STXBP6: variants seen among roughly 807,000 people sequenced by gnomAD.
STXBP6 encodes the protein syntaxin-binding protein 6.
Under a neutral mutation model 26.9 loss-of-function variants are expected in STXBP6, and 21 were observed. The observed-to-expected ratio is 0.78, with a 90% CI of 0.55 to 1.12. The LOEUF is 1.12. Ranked by LOEUF, STXBP6 falls within the 50% of genes most tolerant of loss-of-function variation. The probability of loss-of-function intolerance (pLI) is 0.00; values close to 1 mark genes in which losing one functional copy is unlikely to be tolerated. For synonymous variants in STXBP6, 97 were observed against 92.6 expected, an observed-to-expected ratio of 1.05 and a Z score of -0.27; for missense variants, 232 against 257.9, an observed-to-expected ratio of 0.90 and a Z score of 0.69.
intron 1 of STXBP6, among the ~76,000 whole-genome samples, chr14:24,976,945 C>T (rs928300110): frequency 1.4e-4 from 20 of 144,486 alleles, no homozygotes; most frequent in African/African-American, 5.2e-4. Context: ...TCACTGCAAC[C>T]TCCACTTCTC....
intron 1 of STXBP6, among the ~76,000 whole-genome samples, chr14:24,976,985 C>T (rs748441530): frequency 8.0e-5 from 12 of 150,878 alleles, no homozygotes; most frequent in African/African-American, 1.5e-4. Context: ...GCCTCAGCCT[C>T]CCCAGTAGCT....
chr14:24,842,707 T>G lies in STXBP6; in HGVS notation c.451+13229A>C, dbSNP rs933029931. On this transcript the variant is annotated intron_variant, in intron 4 of 5. Coordinates refer to ENST00000323944, the MANE Select transcript of STXBP6 (RefSeq NM_001394410.1). ...AACAAAGGAAAAGATGATTATGCCT[T>G]ACTGACAGACTTTCTTATTTACTCA... 5.3e-5 allele frequency among the ~76,000 whole-genome samples: 8 copies of G among 152,296 alleles called. 2 individuals are homozygous for G. Among genetic ancestry groups the G allele is most frequent in the Admixed American group, 3.9e-4 (6 of 15,304 alleles).
At chr14:24,862,486 G>A (rs1286080160) in intron 2 of STXBP6, among the ~76,000 whole-genome samples, 1 of 152,108 alleles carries the variant, frequency 6.6e-6, no homozygotes, top group Non-Finnish European at 1.5e-5. Flanking sequence ...AGTGCATAGG[G>A]CTTTGGGAAG....
intron 1 of STXBP6, among the ~76,000 whole-genome samples, chr14:24,988,708 G>A (rs376435177): frequency 6.6e-5 from 10 of 152,148 alleles, no homozygotes; most frequent in African/African-American, 2.2e-4. Flanking sequence ...TGCTTCAGCC[G>A]ACGGAGACAG....
At chr14:24,910,941 T>C (rs1449307056) in intron 2 of STXBP6, among the ~76,000 whole-genome samples, 1 of 152,150 alleles carries the variant, frequency 6.6e-6, no homozygotes, top group African/African-American at 2.4e-5. Flanking sequence ...GTTTTAGCTG[T>C]TATCTGTAAC....
At chr14:24,819,406 A>G in intron 4 of STXBP6, 1 of 614,622 alleles carries the variant, frequency 1.6e-6, no homozygotes, top group Non-Finnish European at 2.9e-6. Flanking sequence ...GACCTAGGAA[A>G]ATCCTAAATG....
At chr14:24,977,812 T>G (rs1324307189) in intron 1 of STXBP6, among the ~76,000 whole-genome samples, 1 of 152,190 alleles carries the variant, frequency 6.6e-6, no homozygotes, top group Non-Finnish European at 1.5e-5. Flanking sequence ...CCAACTTTAT[T>G]TACAAATCCT....
At chr14:24,918,100 AG>A (rs1467448315) in intron 2 of STXBP6, among the ~76,000 whole-genome samples, 1 of 152,072 alleles carries the variant, frequency 6.6e-6, no homozygotes, top group East Asian at 1.9e-4. Flanking sequence ...ATGGTTGCCA[AG>A]GGCTGGGGGA....
chr14:24,866,433 A>G (rs774043780), intron 2 of STXBP6, among the ~76,000 whole-genome samples: 5 of 152,076 alleles, frequency 3.3e-5, no homozygotes, highest in Non-Finnish European at 7.4e-5. Context: ...GTATATGTGT[A>G]TATGCGTGTG....
Position 25,049,668 on chromosome 14 carries a change from C to A in STXBP6, c.-33+210G>T, listed in dbSNP as rs577313917. ...AGGGACACGAGTCCCTCTCTGCGCG[C>A]ACAAAGCAGCTGCGCCGGGGCGCGC... On this transcript the variant is annotated intron_variant, in intron 1 of 5. Coordinates refer to ENST00000323944, the MANE Select transcript of STXBP6 (RefSeq NM_001394410.1). The surrounding 1 kb of genome is among the most constrained non-coding windows in gnomAD (Gnocchi z 5.6). 1.0e-6 allele frequency: 1 copy of A among 985,780 alleles called. No homozygotes were observed. The highest frequency in any genetic ancestry group is 1.1e-4 in the East Asian group (1 of 8,784). The allele number at this position is 985,780 out of a possible 1,614,324, so 61.1% of individuals were successfully genotyped here. A position where few individuals can be genotyped will look rare whatever the true frequency, so the allele number is the denominator to read the frequency against.
At chr14:24,996,693 A>T (rs1451928917) in intron 1 of STXBP6, among the ~76,000 whole-genome samples, 1 of 151,896 alleles carries the variant, frequency 6.6e-6, no homozygotes, top group Non-Finnish European at 1.5e-5. Flanking sequence ...CTCTACTAAA[A>T]AAAATTATAA....
At chr14:24,934,084 C>G (rs2072515714) in intron 2 of STXBP6, among the ~76,000 whole-genome samples, 1 of 151,908 alleles carries the variant, frequency 6.6e-6, no homozygotes, top group African/African-American at 2.4e-5. Flanking sequence ...AAAGATGATC[C>G]CACAAAAGAT....
At chr14:24,845,593 TATAAAAA>T (rs1278988202) in intron 4 of STXBP6, among the ~76,000 whole-genome samples, 1 of 152,160 alleles carries the variant, frequency 6.6e-6, no homozygotes, top group Non-Finnish European at 1.5e-5. Flanking sequence ...AAGTATATCT[TATAAAAA>T]ATTAAATGTA....
intron 2 of STXBP6, among the ~76,000 whole-genome samples, chr14:24,907,735 A>T (rs1037029245): frequency 2.6e-5 from 4 of 152,188 alleles, no homozygotes; most frequent in Non-Finnish European, 5.9e-5. Context: ...TGTTGATAAC[A>T]TTCTGTCCAT....
At chr14:24,947,388 G>A (rs11159001) in intron 2 of STXBP6, among the ~76,000 whole-genome samples, 18,312 of 152,162 alleles carry the variant, frequency 0.12, 1,398 homozygotes, top group East Asian at 0.37. Context: ...TGAAAGAGAC[G>A]GCGATGGAGA....
chr14:25,018,849 T>C (rs1203339832), intron 1 of STXBP6, among the ~76,000 whole-genome samples: 3 of 152,180 alleles, frequency 2.0e-5, no homozygotes, highest in Non-Finnish European at 4.4e-5. Flanking sequence ...CCAATAAGAA[T>C]AGCTACCACC....
chr14:24,897,946 G>T (rs1485471316), intron 2 of STXBP6, among the ~76,000 whole-genome samples: 1 of 152,166 alleles, frequency 6.6e-6, no homozygotes, highest in Non-Finnish European at 1.5e-5. Flanking sequence ...TAAACAAAGG[G>T]TATAATGCTA....
rs2139377156 is a variant in STXBP6 at position 24,875,647 on chromosome 14, G to A, written c.155-18490C>T. ...CCTGGAGGGAATCATAGCCGAATAT[G>A]AGACATTTATGTAAATTTTCTATTT... On this transcript the variant is annotated intron_variant, in intron 2 of 5. Coordinates refer to ENST00000323944, the MANE Select transcript of STXBP6 (RefSeq NM_001394410.1). Among the ~76,000 whole-genome samples the A allele has an allele frequency of 1.3e-5, 2 of 152,318 alleles. 1 individual carries two copies. Among genetic ancestry groups the A allele is most frequent in the South Asian group, 4.1e-4 (2 of 4,826 alleles).
chr14:25,017,906 G>A (rs764906714), intron 1 of STXBP6, among the ~76,000 whole-genome samples: 2 of 152,084 alleles, frequency 1.3e-5, no homozygotes, highest in Non-Finnish European at 2.9e-5. Flanking sequence ...CTATCCAGTA[G>A]CTCAAATTCA....
Sources: gnomAD v4.1 joint callset for allele counts (sites outside exome capture counted in the v4.1 genomes callset) on GRCh38, gnomAD v4.1.1 for gene constraint, Gnocchi (gnomAD v3.1) non-coding constraint, MANE v1.5 for transcripts, NCBI Gene and HGNC (gene_info 2026-07-23, HGNC 2026-07-21) for gene names.